GAA: variants seen among roughly 807,000 people sequenced by gnomAD.
GAA encodes lysosomal alpha-glucosidase.
In GAA, 88 loss-of-function variants were observed where a neutral mutation model predicts 103.9. The observed-to-expected ratio is 0.85, with a 90% CI of 0.71 to 1.01. The LOEUF (loss-of-function observed/expected upper bound fraction) is 1.01, where lower values mean the gene tolerates loss of function less well. GAA is among the 50% of genes least tolerant of loss of function. GAA has a pLI of 0.00. For synonymous variants in GAA, 572 were observed against 563.1 expected (o/e 1.02, Z -0.22); for missense variants, 1,350 against 1,305.3 (o/e 1.03, Z -0.53).
chr17:80,105,033 G>A lies in GAA; in HGVS notation c.447G>A (p.Thr149=), dbSNP rs2289536. 8,525 of 1,612,848 alleles carry A rather than the reference G, an allele frequency of 5.3e-3. 47 individuals carry two copies. The highest frequency in any genetic ancestry group is 0.03 in the East Asian group (1,331 of 44,870). ...TGAGCTCCTCTGAAATGGGCTACAC[G>A]GCCACCCTGACCCGTACCACCCCCA... ...ENLSSSEMGY[T]ATLTRTTPTF... The change falls in exon 2 of 20, where the codon ACG becomes ACA. Residue 149 remains threonine, a synonymous_variant. Transcript: ENST00000302262.
In GAA at chr17:80,108,627, G is replaced by C; in HGVS notation, c.1194+20G>C. On this transcript the variant is annotated intron_variant, in intron 7 of 19. Transcript: ENST00000302262. ...CCCCTGGTGAGTTGGGGTGGTGGCA[G>C]GGGAGGCAAGGGGCTGGCCGGGACG... 1 of 1,612,600 alleles carries C rather than the reference G, an allele frequency of 6.2e-7. No homozygotes were observed. Among genetic ancestry groups the C allele is most frequent in the African/African-American group, 1.3e-5 (1 of 75,064 alleles).
chr17:80,117,513 GC>G (rs976577551), intron 16 of GAA, 86 bp from the exon 17 acceptor site: 51 of 1,505,846 alleles, frequency 3.4e-5, no homozygotes, highest in Middle Eastern at 3.5e-4. Context: ...TCCACGTGGA[GC>G]CCCGGGAGAT....
rs1232001857 is a variant in GAA, at chr17:80,104,862, C to T, written c.276C>T (p.Cys92=). 2.2e-5 allele frequency: 36 copies of T among 1,612,722 alleles called. No individual in the cohort carries two copies. Among genetic ancestry groups the T allele is most frequent in the Non-Finnish European group, 2.8e-5 (33 of 1,179,928 alleles). Reference sequence around the variant, plus strand: ...TCCCCCCCAACAGCCGCTTCGATTGCGCCCCTGACAAGGCCATCACCCAGG... The same window carrying T: ...TCCCCCCCAACAGCCGCTTCGATTGTGCCCCTGACAAGGCCATCACCCAGG... ...CDVPPNSRFD[C]APDKAITQEQ... The change falls in exon 2 of 20, where the codon TGC becomes TGT. Residue 92 remains cysteine (C), a synonymous_variant. Transcript: ENST00000302262. The surrounding 1 kb of genome is among the most constrained non-coding windows in gnomAD (Gnocchi z 4.0).
At chr17:80,115,846 A>G (rs1469417484) in intron 15 of GAA, among the ~76,000 whole-genome samples, 1 of 152,230 alleles carries the variant, frequency 6.6e-6, no homozygotes. Context: ...ATAATTGGTC[A>G]GATATCCTTC....
Position 80,112,914 on chromosome 17 carries a change from G to T in GAA, c.1927G>T (p.Gly643Trp), listed in dbSNP as rs28937909. 2 of 1,610,542 alleles carry T rather than the reference G, an allele frequency of 1.2e-6. No homozygotes were observed. The highest frequency in any genetic ancestry group is 2.2e-5 in the East Asian group (1 of 44,810). ...QFNLLGVPLV[G>W]ADVCGFLGNT... is the part of the protein sequence containing the mutation. The stretch of plus-strand genomic sequence containing the variant: ...TAACCTGCTGGGGGTGCCTCTGGTC[G>T]GGGCCGACGTCTGCGGCTTCCTGGG... The change falls in exon 14 of 20, where the codon GGG becomes TGG. Residue 643 changes from glycine (G) to tryptophan (W), a missense_variant. Transcript: ENST00000302262.
In GAA at chr17:80,113,269, G is replaced by C; in HGVS notation, c.2092G>C (p.Ala698Pro). ...SEPAQQAMRKALTLRYALLPH... is the reference protein window; with the variant it reads ...SEPAQQAMRKPLTLRYALLPH... The stretch of plus-strand genomic sequence containing the variant: ...GCCGGCCCAGCAGGCCATGAGGAAG[G>C]CCCTCACCCTGCGCTACGCACTCCT... Residue 698 changes from alanine to proline, a missense_variant, in exon 15 of 20, where the codon GCC becomes CCC. Transcript: ENST00000302262. 6.2e-7 allele frequency: 1 copy of C among 1,602,154 alleles called. No homozygotes were observed.
rs866310691 is a variant in GAA, at chr17:80,113,453, T to G, written c.2189+87T>G. 20 of 1,299,658 alleles carry G rather than the reference T, an allele frequency of 1.5e-5. 1 individual carries two copies. In the South Asian group the frequency reaches 2.9e-4, roughly 19 times the overall value. The allele number at this position is 1,299,658 out of a possible 1,614,324, so 80.5% of individuals were successfully genotyped here. The stretch of plus-strand genomic sequence containing the variant: ...CAGGCAGCCCTGTCCTGCTGTGGGC[T>G]GTGTTCCCCAGGACCCAGCAGGTTG... On this transcript the variant is annotated intron_variant, in intron 15 of 19. Transcript: ENST00000302262.
At position 80,108,699 on chromosome 17, in the gene GAA, C is replaced by T. The variant is rs1555600168; in HGVS notation, c.1197C>T (p.Asp399=). The stretch of plus-strand genomic sequence containing the variant: ...ACGGTCCCGTGTTGTGGCTGCAGGA[C>T]GTCCAGTGGAACGACCTGGACTACA... ...ENMTRAHFPL[D]VQWNDLDYMD... is the part of the protein sequence containing the mutation. The change falls in exon 8 of 20, where the codon GAC becomes GAT. Residue 399 remains aspartate (D), a splice_region_variant and synonymous_variant. Coordinates refer to ENST00000302262, the MANE Select transcript of GAA (RefSeq NM_000152.5). The T allele has an allele frequency of 1.1e-5, 18 of 1,612,582 alleles. No individual in the cohort carries two copies. The highest frequency in any genetic ancestry group is 2.2e-5 in the East Asian group (1 of 44,876).
rs746892752 is a variant in GAA, at chr17:80,108,672, AGACGGTCCC to A, written c.1195-23_1195-15del. ...GGGACGCGTCTCCTCAGGCCCCAGC[AGACGGTCCC>A]GTGTTGTGGCTGCAGGACGTCCAGT... On this transcript the variant is annotated splice_polypyrimidine_tract_variant and intron_variant, in intron 7 of 19. Coordinates refer to ENST00000302262, the MANE Select transcript of GAA (RefSeq NM_000152.5). The A allele has an allele frequency of 1.2e-6, 2 of 1,612,852 alleles. No homozygotes were observed. Among genetic ancestry groups the A allele is most frequent in the Non-Finnish European group, 1.7e-6 (2 of 1,179,996 alleles).
At chr17:80,116,897 C>A in intron 15 of GAA, 71 bp from the exon 16 acceptor site, 1 of 1,570,292 alleles carries the variant, frequency 6.4e-7, no homozygotes, top group East Asian at 2.2e-5. Context: ...CTGTGCCTCC[C>A]CAGGGTGGGC....
chr17:80,110,748 T>G lies in GAA; in HGVS notation c.1459T>G (p.Phe487Val). The change falls in exon 10 of 20, where the codon TTC becomes GTC. Residue 487 changes from phenylalanine (F) to valine (V), a missense_variant. Physicochemically the swap from Phe to Val is conservative, Grantham distance 50. Transcript: ENST00000302262. ...IGKVWPGSTA[F>V]PDFTNPTALA... The stretch of plus-strand genomic sequence containing the variant: ...CCAGGTATGGCCCGGGTCCACTGCC[T>G]TCCCCGACTTCACCAACCCCACAGC... 4 of 1,614,036 alleles carry G rather than the reference T, an allele frequency of 2.5e-6. No homozygotes were observed. Among genetic ancestry groups the G allele is most frequent in the Non-Finnish European group, 3.4e-6 (4 of 1,180,008 alleles).
chr17:80,112,016 T>C lies in GAA; in HGVS notation c.1670T>C (p.Ile557Thr), dbSNP rs1408164312. The C allele has an allele frequency of 6.2e-7, 1 of 1,613,942 alleles. No homozygotes were observed. The highest frequency in any genetic ancestry group is 2.2e-5 in the East Asian group (1 of 44,868). Residue 557 changes from isoleucine to threonine, a missense_variant, in exon 12 of 20, where the codon ATC (isoleucine) becomes ACC (threonine). By Grantham distance (89) the Ile-to-Thr change is moderately conservative. Coordinates refer to ENST00000302262, the MANE Select transcript of GAA (RefSeq NM_000152.5). The part of the protein sequence containing the change: ...VVGGTLQAAT[I>T]CASSHQFLST... ...GGGGGGACCCTCCAGGCGGCCACCA[T>C]CTGTGCCTCCAGCCACCAGTTTCTC...
At position 80,104,240 on chromosome 17, in the gene GAA, G is replaced by A. The variant is rs1447976849; in HGVS notation, c.-32-315G>A. Among the ~76,000 whole-genome samples, 1 of 152,222 alleles carries A rather than the reference G, an allele frequency of 6.6e-6. No homozygotes were observed. The highest frequency in any genetic ancestry group is 1.5e-5 in the Non-Finnish European group (1 of 68,044). ...GATCTCACCACAGCACTCTGGCCCA[G>A]GCGACAGCTGTTTGGCCTGTTTCAA... On this transcript the variant is annotated intron_variant, in intron 1 of 19. Transcript: ENST00000302262. This position sits in a 1 kb window ranked among gnomAD's most constrained non-coding sequence, Gnocchi z 4.0.
intron 8 of GAA, 88 bp from the exon 9 acceptor site, chr17:80,109,857 G>A (rs1234404962): frequency 7.5e-6 from 7 of 927,798 alleles, no homozygotes; most frequent in Non-Finnish European, 1.1e-5. Flanking sequence ...GTCATCCCCA[G>A]CCTCATCCTC....
Position 80,104,553 on chromosome 17 carries a change from A to G in GAA, c.-32-2A>G, listed in dbSNP as rs1445232530. On this transcript the variant is annotated splice_acceptor_variant, in intron 1 of 19. Coordinates refer to ENST00000302262, the MANE Select transcript of GAA (RefSeq NM_000152.5). LOFTEE classifies it low-confidence loss of function (5UTR_SPLICE). This position sits in a 1 kb window ranked among gnomAD's most constrained non-coding sequence, Gnocchi z 4.0. ...TGCTGAGCCCGCTTTCTTCTCCCGCAGGCCTGTAGGAGCTGTCCAGGCCAT... is the reference window on the plus strand; with the variant it reads ...TGCTGAGCCCGCTTTCTTCTCCCGCGGGCCTGTAGGAGCTGTCCAGGCCAT... The G allele has an allele frequency of 6.3e-7, 1 of 1,582,630 alleles. No homozygotes were observed. Among genetic ancestry groups the G allele is most frequent in the Non-Finnish European group, 8.6e-7 (1 of 1,161,654 alleles).
At position 80,104,912 on chromosome 17, in the gene GAA, G is replaced by A; in HGVS notation, c.326G>A (p.Cys109Tyr). ...GAACAGTGCGAGGCCCGCGGCTGTT[G>A]CTACATCCCTGCAAAGCAGGGGCTG... ...TQEQCEARGC[C>Y]YIPAKQGLQG... The change falls in exon 2 of 20, where the codon TGC (cysteine) becomes TAC (tyrosine). Residue 109 changes from cysteine to tyrosine, a missense_variant. Transcript: ENST00000302262. The surrounding 1 kb of genome is among the most constrained non-coding windows in gnomAD (Gnocchi z 4.0). The A allele has an allele frequency of 6.2e-7, 1 of 1,612,306 alleles. No individual in the cohort carries two copies. Among genetic ancestry groups the A allele is most frequent in the Non-Finnish European group, 8.5e-7 (1 of 1,179,786 alleles).
rs764014217 is a variant in GAA at position 80,113,067 on chromosome 17, C to T, written c.2040+40C>T. 7.0e-6 allele frequency: 11 copies of T among 1,576,396 alleles called. No individual in the cohort carries two copies. The East Asian group carries it at 2.1e-4, about 30-fold the overall frequency. On this transcript the variant is annotated intron_variant, in intron 14 of 19. Coordinates refer to ENST00000302262, the MANE Select transcript of GAA (RefSeq NM_000152.5). Reference sequence around the variant, plus strand: ...GCGGCATGGCAGGTGGGCGATCCCACCCACCCAAGACTCTCCCCTGGGAAT... The same window carrying T: ...GCGGCATGGCAGGTGGGCGATCCCATCCACCCAAGACTCTCCCCTGGGAAT...
At chr17:80,118,486 G>T (rs1337601670) in intron 18 of GAA, 129 bp downstream of exon 18, 12 of 1,420,552 alleles carry the variant, frequency 8.4e-6, no homozygotes, top group Non-Finnish European at 1.1e-5. Context: ...GTGGCCTGGG[G>T]TCCTAGAGTG....
Position 80,118,133 on chromosome 17 carries a change from T to C in GAA, c.2482-60T>C. 3 of 1,588,690 alleles carry C rather than the reference T, an allele frequency of 1.9e-6. No individual in the cohort carries two copies. In the South Asian group the frequency reaches 3.4e-5, roughly 18 times the overall value. On this transcript the variant is annotated intron_variant, in intron 17 of 19. Transcript: ENST00000302262. ...GTACCAGCCTAGCATTCCCGGGCCC[T>C]GGAGGCCTCCACCTCCACCAGGGTG...
Sources: gnomAD v4.1 joint callset for allele counts (sites outside exome capture counted in the v4.1 genomes callset) on GRCh38, gnomAD v4.1.1 for gene constraint, Gnocchi (gnomAD v3.1) non-coding constraint, MANE v1.5 for transcripts, NCBI Gene and HGNC (gene_info 2026-07-23, HGNC 2026-07-21) for gene names.